Variants in PCDHA3 observed in about 807,000 individuals in gnomAD.
The protein encoded by PCDHA3 is protocadherin alpha-3.
Under a neutral mutation model 62.2 loss-of-function variants are expected in PCDHA3, and 41 were observed. That is an observed-to-expected ratio of 0.66 (90% confidence interval 0.51 to 0.86). The LOEUF is 0.86. Ranked by LOEUF, PCDHA3 falls within the 40% of genes least tolerant of loss-of-function variation. The pLI, the probability that PCDHA3 is intolerant of heterozygous loss-of-function variation, is 0.00. For missense variants in PCDHA3, 1,304 were observed against 1,241.2 expected (o/e 1.05, Z -0.76); for synonymous variants, 640 against 555.4 (o/e 1.15, Z -2.14).
Position 140,881,357 on chromosome 5 carries a change from CT to C in PCDHA3, c.2394+77769del, listed in dbSNP as rs1486951603. 3.0e-6 allele frequency: 3 copies of C among 985,228 alleles called. No homozygotes were observed. The African/African-American group carries it at 5.2e-5, about 17-fold the overall frequency. 61.0% of individuals were successfully genotyped at this position (985,228 alleles called of 1,614,324 possible). A position where few individuals can be genotyped will look rare whatever the true frequency, so the allele number is the denominator to read the frequency against. ...CGCCGATTCGGGCTACAATGCGTGG[CT>C]TTCGTATGAATTGCAGCCGGCGGCG... On this transcript the variant is annotated intron_variant, in intron 1 of 3. Coordinates refer to ENST00000522353, the MANE Select transcript of PCDHA3 (RefSeq NM_018906.3).
At chr5:140,808,749 A>C (rs1764254328) in intron 1 of PCDHA3, 1 of 1,612,168 alleles carries the variant, frequency 6.2e-7, no homozygotes, top group Non-Finnish European at 8.5e-7. Context: ...TACGCGCTGC[A>C]GCCGCTGGAC....
At chr5:140,828,006 A>G in intron 1 of PCDHA3, 1 of 1,503,668 alleles carries the variant, frequency 6.7e-7, no homozygotes, top group Non-Finnish European at 8.9e-7. Flanking sequence ...GACGCAGAAG[A>G]AATGGATTAA....
At chr5:140,836,324 T>A (rs1774378159) in intron 1 of PCDHA3, 3 of 1,613,578 alleles carry the variant, frequency 1.9e-6, no homozygotes, top group Non-Finnish European at 2.5e-6. Context: ...GCCACCGCCT[T>A]CTGGTGCTTG....
chr5:140,857,468 T>C lies in PCDHA3; in HGVS notation c.2394+53877T>C. The C allele has an allele frequency of 1.3e-6, 2 of 1,598,520 alleles. 1 individual carries two copies. Among genetic ancestry groups the C allele is most frequent in the Non-Finnish European group, 1.7e-6 (2 of 1,167,858 alleles). The stretch of plus-strand genomic sequence containing the variant: ...GAACAACCCGCCAGGCTGCCACATC[T>C]TCACGGTGTCTGCGTGGGACGCGGA... On this transcript the variant is annotated intron_variant, in intron 1 of 3. Transcript: ENST00000522353.
At chr5:140,830,467 T>A in intron 1 of PCDHA3, 2 of 1,572,686 alleles carry the variant, frequency 1.3e-6, no homozygotes, top group Non-Finnish European at 1.7e-6. Flanking sequence ...AGGATTTAAA[T>A]GAAGATCATG....
chr5:140,918,572 G>T (rs2153549346), intron 1 of PCDHA3, among the ~76,000 whole-genome samples: 1 of 152,264 alleles, frequency 6.6e-6, no homozygotes, highest in Middle Eastern at 3.4e-3. Context: ...ATATTATGCT[G>T]CTATTGGCTA....
chr5:140,969,404 G>A (rs1345885868), intron 1 of PCDHA3: 2 of 1,577,250 alleles, frequency 1.3e-6, no homozygotes, highest in Admixed American at 1.9e-5. Context: ...CTGTGATTTG[G>A]CTTTATTGAG....
rs139167552 is a variant in PCDHA3, at chr5:140,939,382, C to T, written c.2395-39567C>T. On this transcript the variant is annotated intron_variant, in intron 1 of 3. Coordinates refer to ENST00000522353, the MANE Select transcript of PCDHA3 (RefSeq NM_018906.3). ...CAAAGGAGGAGGGAACACAAACATT[C>T]AGATCATAGCAAGTTTGTGTAAATC... 3.9e-5 allele frequency among the ~76,000 whole-genome samples: 6 copies of T among 152,258 alleles called. No homozygotes were observed. The East Asian group carries it at 1.2e-3, about 29-fold the overall frequency.
In PCDHA3 at chr5:140,871,306, A is replaced by T. The variant is rs782244596; in HGVS notation, c.2394+67715A>T. The T allele has an allele frequency of 3.7e-6, 6 of 1,613,964 alleles. No homozygotes were observed. In the East Asian group the frequency reaches 1.3e-4, roughly 36 times the overall value. ...CACTGAGGGCGCGTGCGCGCCGGGG[A>T]AGCCCACGCTGGTGTGCTCCCGCGC... On this transcript the variant is annotated intron_variant, in intron 1 of 3. Transcript: ENST00000522353.
intron 1 of PCDHA3, among the ~76,000 whole-genome samples, chr5:140,951,121 C>A (rs1223231581): frequency 6.9e-6 from 1 of 145,374 alleles, no homozygotes; most frequent in African/African-American, 2.6e-5. Context: ...TCATTCCTTA[C>A]CAATAAGTTT....
At chr5:140,947,635 G>A (rs1170525936) in intron 1 of PCDHA3, among the ~76,000 whole-genome samples, 1 of 151,538 alleles carries the variant, frequency 6.6e-6, no homozygotes, top group African/African-American at 2.4e-5. Context: ...TCATCAGATC[G>A]TATGAACATA....
At chr5:141,001,333 T>G (rs1554258097) in intron 3 of PCDHA3, among the ~76,000 whole-genome samples, 1 of 152,178 alleles carries the variant, frequency 6.6e-6, no homozygotes, top group African/African-American at 2.4e-5. Context: ...TCACCATAAT[T>G]TACATGATGT....
chr5:140,827,752 C>T (rs1357431971), intron 1 of PCDHA3, among the ~76,000 whole-genome samples: 2 of 152,200 alleles, frequency 1.3e-5, no homozygotes, highest in African/African-American at 2.4e-5. Context: ...AGATCCCTTA[C>T]TTTAAATTAA....
At position 140,802,676 on chromosome 5, in the gene PCDHA3, G is replaced by T; in HGVS notation, c.1479G>T (p.Ser493=). The change falls in exon 1 of 4, where the codon TCG becomes TCT. Residue 493 remains serine, a synonymous_variant. Coordinates refer to ENST00000522353, the MANE Select transcript of PCDHA3 (RefSeq NM_018906.3). ...AGGAGAACGCCCTGGTGTCCTACTC[G>T]CTGGTGGAACGGCGGGTGGGGGAGC... ...DAQENALVSY[S]LVERRVGERA... is the part of the protein sequence containing the mutation. 6.2e-7 allele frequency: 1 copy of T among 1,613,378 alleles called. No homozygotes were observed. Among genetic ancestry groups the T allele is most frequent in the Non-Finnish European group, 8.5e-7 (1 of 1,179,842 alleles).
At position 141,010,067 on chromosome 5, in the gene PCDHA3, G is replaced by C; in HGVS notation, c.*130G>C. 6.2e-7 allele frequency: 1 copy of C among 1,604,516 alleles called. No homozygotes were observed. The highest frequency in any genetic ancestry group is 1.1e-5 in the South Asian group (1 of 89,502). ...TAGAGACCTCAGAAATCTGCAGAAA[G>C]TTCCCTGTGTCTGTCTAGAACGCAT... On this transcript the variant is annotated 3_prime_UTR_variant, in exon 4 of 4. Coordinates refer to ENST00000522353, the MANE Select transcript of PCDHA3 (RefSeq NM_018906.3).
chr5:140,960,606 T>C (rs565459983), intron 1 of PCDHA3, among the ~76,000 whole-genome samples: 2 of 152,176 alleles, frequency 1.3e-5, no homozygotes, highest in African/African-American at 4.8e-5. Context: ...ACTTCAACAA[T>C]ATCTAGTGTG....
At chr5:140,859,755 T>C (rs1554152701) in intron 1 of PCDHA3, 1 of 153,726 alleles carries the variant, frequency 6.5e-6, no homozygotes, top group African/African-American at 2.4e-5. Flanking sequence ...TCTTTCAGTG[T>C]TAATACTCTC....
chr5:140,993,811 G>A (rs1554253953), intron 3 of PCDHA3, among the ~76,000 whole-genome samples: 3 of 152,154 alleles, frequency 2.0e-5, no homozygotes, highest in African/African-American at 2.4e-5. Flanking sequence ...TGTAGCCTAG[G>A]AGCAATAGGC....
chr5:140,954,724 C>T (rs2095079319), intron 1 of PCDHA3, among the ~76,000 whole-genome samples: 1 of 152,196 alleles, frequency 6.6e-6, no homozygotes, highest in Admixed American at 6.5e-5. Context: ...TGTAGGTTGT[C>T]TTTTCACTCT....
Sources: allele counts gnomAD v4.1 joint callset (sites outside exome capture counted in the v4.1 genomes callset), GRCh38; gene constraint gnomAD v4.1.1; transcripts MANE v1.5; gene names NCBI Gene and HGNC (gene_info 2026-07-23, HGNC 2026-07-21).